The following GRIA4 variants were observed in gnomAD, a reference collection of about 807,000 sequenced individuals.
The protein encoded by GRIA4 is glutamate receptor 4.
In GRIA4, 34 loss-of-function variants were observed where a neutral mutation model predicts 104.0. The ratio of observed to expected loss-of-function variants is 0.33; its 90% confidence interval spans 0.25 to 0.44. The LOEUF is 0.44. Among genes scored for constraint, GRIA4 ranks in the 20% least tolerant of loss-of-function variants. GRIA4 has a pLI of 1.00. For synonymous variants in GRIA4, 386 were observed against 381.9 expected (o/e 1.01, Z -0.13); for missense variants, 750 against 1,096.5 (o/e 0.68, Z 4.46).
intron 10 of GRIA4, 21 bp from the exon 11 acceptor site, chr11:105,918,691 G>T (rs758736820): frequency 8.7e-7 from 1 of 1,154,336 alleles, no homozygotes; most frequent in Non-Finnish European, 1.3e-6. Flanking sequence ...CTCCTTTACA[G>T]TTCTACTTCT....
At chr11:105,913,473 T>C (rs890297360) in intron 10 of GRIA4, 2 of 532,742 alleles carry the variant, frequency 3.8e-6, no homozygotes, top group African/African-American at 2.1e-5. Flanking sequence ...TGACTAAAAA[T>C]GTTATAAAAT....
In GRIA4 at chr11:105,866,128, C is replaced by G. The variant is rs557275084; in HGVS notation, c.672+3920C>G. 1.5e-3 allele frequency among the ~76,000 whole-genome samples: 228 copies of G among 152,128 alleles called. 1 individual carries two copies. The highest frequency in any genetic ancestry group is 5.3e-3 in the African/African-American group (219 of 41,524). On this transcript the variant is annotated intron_variant, in intron 5 of 16. Transcript: ENST00000282499. Reference sequence around the variant, plus strand: ...ATTCTCTGAGAGATGGATAAGAAATCTTTAGTTGTTTATTTTTAAAACGTA... The same window carrying G: ...ATTCTCTGAGAGATGGATAAGAAATGTTTAGTTGTTTATTTTTAAAACGTA...
At chr11:105,858,415 A>C (rs942054892) in intron 4 of GRIA4, among the ~76,000 whole-genome samples, 4 of 152,070 alleles carry the variant, frequency 2.6e-5, no homozygotes, top group Non-Finnish European at 5.9e-5. Flanking sequence ...GGGGTGCATG[A>C]AATATTTTGA....
chr11:105,705,831 A>T (rs1211797799), intron 3 of GRIA4, among the ~76,000 whole-genome samples: 2 of 152,192 alleles, frequency 1.3e-5, no homozygotes, highest in African/African-American at 4.8e-5. Flanking sequence ...ACCTTTTTGG[A>T]GAGGAATTTA....
chr11:105,862,381 A>T (rs972951644), intron 5 of GRIA4, 173 bp downstream of exon 5: 47 of 557,346 alleles, frequency 8.4e-5, no homozygotes, highest in South Asian at 2.9e-4. Flanking sequence ...ATCACCAAGG[A>T]CCTTTTTGGT....
chr11:105,830,634 G>T (rs962526982), intron 4 of GRIA4, among the ~76,000 whole-genome samples: 2 of 151,990 alleles, frequency 1.3e-5, no homozygotes, highest in Non-Finnish European at 2.9e-5. Context: ...TTTCAAAGTG[G>T]AAGAAATGTT....
intron 3 of GRIA4, among the ~76,000 whole-genome samples, chr11:105,640,673 C>T (rs1951333688): frequency 6.6e-6 from 1 of 151,788 alleles, no homozygotes; most frequent in South Asian, 2.1e-4. Context: ...CTACTTATTT[C>T]TATTTAATAT....
chr11:105,886,221 T>C (rs1212732583), intron 5 of GRIA4, among the ~76,000 whole-genome samples: 1 of 152,014 alleles, frequency 6.6e-6, no homozygotes, highest in Non-Finnish European at 1.5e-5. Flanking sequence ...GGGTACATAG[T>C]AGTATATATA....
intron 4 of GRIA4, among the ~76,000 whole-genome samples, chr11:105,830,663 G>C (rs995263502): frequency 1.3e-5 from 2 of 151,960 alleles, no homozygotes; most frequent in East Asian, 3.9e-4. Flanking sequence ...CTCAGTCATG[G>C]ATTCTATTCC....
At chr11:105,754,453 A>T (rs1486147735) in intron 4 of GRIA4, among the ~76,000 whole-genome samples, 1 of 152,198 alleles carries the variant, frequency 6.6e-6, no homozygotes, top group East Asian at 1.9e-4. Context: ...CATGACGATG[A>T]TAGAGGTTTG....
At chr11:105,806,721 A>G (rs1591286766) in intron 4 of GRIA4, among the ~76,000 whole-genome samples, 2 of 151,946 alleles carry the variant, frequency 1.3e-5, no homozygotes, top group Middle Eastern at 6.8e-3. Context: ...ATATTAGTGC[A>G]CAGCCACTGA....
At chr11:105,886,069 AAAG>A (rs1342283002) in intron 5 of GRIA4, among the ~76,000 whole-genome samples, 1 of 152,252 alleles carries the variant, frequency 6.6e-6, no homozygotes, top group African/African-American at 2.4e-5. Context: ...TTAAAAATAG[AAAG>A]AAGGTCTTGA....
chr11:105,857,879 A>G (rs1591358638), intron 4 of GRIA4, among the ~76,000 whole-genome samples: 1 of 152,144 alleles, frequency 6.6e-6, no homozygotes, highest in East Asian at 1.9e-4. Context: ...ACAGTTAAAT[A>G]ACTCTTGCAA....
intron 4 of GRIA4, among the ~76,000 whole-genome samples, chr11:105,827,215 T>G (rs1490759365): frequency 2.0e-5 from 3 of 152,008 alleles, no homozygotes; most frequent in South Asian, 2.1e-4. Flanking sequence ...TTCCATAGTT[T>G]CTACTTCAAA....
intron 14 of GRIA4, chr11:105,965,816 G>A: frequency 1.4e-6 from 1 of 700,718 alleles, no homozygotes; most frequent in East Asian, 2.7e-5. Context: ...CCAGAGGAAG[G>A]GGCTGCAGGA....
chr11:105,855,357 TCA>T (rs1295829623), intron 4 of GRIA4, among the ~76,000 whole-genome samples: 1 of 152,192 alleles, frequency 6.6e-6, no homozygotes, highest in Non-Finnish European at 1.5e-5. Flanking sequence ...GCCTGTTAAC[TCA>T]CAAACATATA....
At chr11:105,627,574 T>A (rs1222012166) in intron 3 of GRIA4, among the ~76,000 whole-genome samples, 1 of 152,200 alleles carries the variant, frequency 6.6e-6, no homozygotes, top group Non-Finnish European at 1.5e-5. Flanking sequence ...AGACAAGGAA[T>A]GTTATTTTGT....
intron 4 of GRIA4, among the ~76,000 whole-genome samples, chr11:105,816,114 C>A (rs766147108): frequency 6.6e-6 from 1 of 152,142 alleles, no homozygotes; most frequent in African/African-American, 2.4e-5. Context: ...TCTGCCCACA[C>A]GTCCTAGGTC....
At chr11:105,618,294 G>A (rs754942184) in intron 3 of GRIA4, among the ~76,000 whole-genome samples, 5 of 151,960 alleles carry the variant, frequency 3.3e-5, no homozygotes, top group Admixed American at 1.3e-4. Flanking sequence ...TAAAGAACAG[G>A]CTAGGTTGCA....
Sources: allele counts gnomAD v4.1 joint callset (sites outside exome capture counted in the v4.1 genomes callset), GRCh38; gene constraint gnomAD v4.1.1; transcripts MANE v1.5; gene names NCBI Gene and HGNC (gene_info 2026-07-23, HGNC 2026-07-21).